The following ARHGEF6 variants were observed in gnomAD, a reference collection of about 807,000 sequenced individuals.
ARHGEF6 encodes Rac/Cdc42 guanine nucleotide exchange factor 6.
Under a neutral mutation model 70.3 loss-of-function variants are expected in ARHGEF6, and 9 were observed. The ratio of observed to expected loss-of-function variants is 0.13; its 90% CI spans 0.08 to 0.22. The LOEUF (loss-of-function observed/expected upper bound fraction) is 0.22. ARHGEF6 is among the 10% of genes least tolerant of loss of function. The pLI, the probability that ARHGEF6 is intolerant of heterozygous loss-of-function variation, is 1.00. For synonymous variants in ARHGEF6, 201 were observed against 207.8 expected (o/e 0.97, Z 0.28); for missense variants, 470 against 563.0 (o/e 0.83, Z 1.67).
chrX:136,760,099 G>A (rs969306861), intron 2 of ARHGEF6, among the ~76,000 whole-genome samples: 3 of 112,370 alleles, frequency 2.7e-5, no homozygotes, highest in Admixed American at 9.4e-5. Flanking sequence ...AGCAGAGGAA[G>A]TGCCATTGCC....
intron 2 of ARHGEF6, among the ~76,000 whole-genome samples, chrX:136,757,853 T>G (rs2077223530): frequency 9.0e-6 from 1 of 111,112 alleles, no homozygotes; most frequent in Admixed American, 9.6e-5. Context: ...AAGTTCTTGC[T>G]AAGTGTCAGT....
intron 10 of ARHGEF6, among the ~76,000 whole-genome samples, chrX:136,688,681 C>A (rs910191699): frequency 4.5e-5 from 5 of 111,424 alleles, no homozygotes; most frequent in Admixed American, 2.9e-4. Context: ...AAACAAACAA[C>A]AACAACAAAA....
intron 15 of ARHGEF6, among the ~76,000 whole-genome samples, chrX:136,679,954 A>G (rs1192357315): frequency 1.8e-5 from 2 of 112,280 alleles, no homozygotes; most frequent in Non-Finnish European, 3.8e-5. Flanking sequence ...ATGGAGTAGC[A>G]GTCAACATTT....
At position 136,673,960 on chromosome X, in the gene ARHGEF6, G is replaced by A. The variant is rs1044516795; in HGVS notation, c.2035+1047C>T. Among the ~76,000 whole-genome samples, 6 of 111,057 alleles carry A rather than the reference G, an allele frequency of 5.4e-5. No individual in the cohort carries two copies. In the East Asian group the frequency reaches 8.5e-4, roughly 16 times the overall value. On this transcript the variant is annotated intron_variant, in intron 19 of 21. Transcript: ENST00000250617. ...TGGCTCACTGCAACCTCCACCTCCC[G>A]GGTTCAAGAGATTCTCCTGCCTCAG...
intron 6 of ARHGEF6, among the ~76,000 whole-genome samples, chrX:136,730,127 AT>A (rs1445533411): frequency 9.0e-6 from 1 of 110,781 alleles, no homozygotes; most frequent in African/African-American, 3.3e-5. Flanking sequence ...ATGTTATTTC[AT>A]TTTTTTAATG....
intron 18 of ARHGEF6, among the ~76,000 whole-genome samples, chrX:136,675,866 C>T (rs1021594487): frequency 9.1e-6 from 1 of 109,682 alleles, no homozygotes; most frequent in Non-Finnish European, 1.9e-5. Context: ...CTCATTTTCC[C>T]TTCTCCCTTC....
At chrX:136,733,565 C>T (rs939861924) in intron 5 of ARHGEF6, among the ~76,000 whole-genome samples, 4 of 111,624 alleles carry the variant, frequency 3.6e-5, no homozygotes, top group African/African-American at 9.8e-5. Context: ...TATAATTCTT[C>T]TATTACAATA....
intron 1 of ARHGEF6, among the ~76,000 whole-genome samples, chrX:136,780,392 C>T (rs2077438187): frequency 9.0e-6 from 1 of 111,047 alleles, no homozygotes; most frequent in Admixed American, 9.6e-5. Context: ...ACCCCAAGTT[C>T]AAAACATGTC....
intron 9 of ARHGEF6, among the ~76,000 whole-genome samples, chrX:136,698,070 AAAG>A (rs1211553862): frequency 1.8e-5 from 2 of 112,356 alleles, no homozygotes; most frequent in East Asian, 2.8e-4. Context: ...AAACAAAAAG[AAAG>A]AAGAAGAACC....
At chrX:136,700,251 C>T (rs756868924) in intron 9 of ARHGEF6, among the ~76,000 whole-genome samples, 20 of 111,324 alleles carry the variant, frequency 1.8e-4, no homozygotes, top group African/African-American at 5.5e-4. Flanking sequence ...AGGCAGGGCG[C>T]GGTGGCTCAG....
intron 19 of ARHGEF6, among the ~76,000 whole-genome samples, chrX:136,672,785 T>A (rs1017045109): frequency 1.3e-4 from 15 of 111,690 alleles, no homozygotes; most frequent in Non-Finnish European, 2.6e-4. Context: ...ACCAAACAGC[T>A]CTCCTGCACC....
chrX:136,681,815 G>C (rs1365053160), intron 14 of ARHGEF6, 75 bp downstream of exon 14: 2 of 950,268 alleles, frequency 2.1e-6, no homozygotes, highest in Non-Finnish European at 3.0e-6. Flanking sequence ...GGAAATAATG[G>C]CATTTATTTA....
chrX:136,728,868 T>A (rs2076897535), intron 6 of ARHGEF6, among the ~76,000 whole-genome samples: 1 of 110,108 alleles, frequency 9.1e-6, no homozygotes, highest in African/African-American at 3.3e-5. Context: ...ACTTACACTA[T>A]CAGCTCTCTG....
chrX:136,701,702 CT>C (rs762628006), intron 9 of ARHGEF6, among the ~76,000 whole-genome samples: 394 of 68,192 alleles, frequency 5.8e-3, no homozygotes, highest in African/African-American at 0.019. Flanking sequence ...TTTCATTTTT[CT>C]TTTTTTTTTT....
chrX:136,714,106 G>T (rs1173054893), intron 6 of ARHGEF6, among the ~76,000 whole-genome samples: 1 of 111,889 alleles, frequency 8.9e-6, no homozygotes, highest in Non-Finnish European at 1.9e-5. Flanking sequence ...AAAGTAGGCT[G>T]AAGTGTGAGG....
rs113375161 is a variant in ARHGEF6 at position 136,668,961 on chromosome X, C to T, written c.2190+521G>A. 3.3e-3 allele frequency among the ~76,000 whole-genome samples: 371 copies of T among 111,638 alleles called. 1 individual carries two copies. Among genetic ancestry groups the T allele is most frequent in the African/African-American group, 0.011 (350 of 30,660 alleles). On this transcript the variant is annotated intron_variant, in intron 21 of 21. Transcript: ENST00000250617. ...CGTTTCCTCCTCCCCAGCCTCATTACCCTGCCTCAGTTCAGGACTCTGACA... is the reference window on the plus strand; with the variant it reads ...CGTTTCCTCCTCCCCAGCCTCATTATCCTGCCTCAGTTCAGGACTCTGACA...
At chrX:136,742,160 A>C (rs1269157037) in intron 5 of ARHGEF6, among the ~76,000 whole-genome samples, 1 of 111,090 alleles carries the variant, frequency 9.0e-6, no homozygotes, top group Non-Finnish European at 1.9e-5. Context: ...CTCTACTAAA[A>C]ATACAAAATT....
intron 12 of ARHGEF6, among the ~76,000 whole-genome samples, chrX:136,683,849 C>G (rs890473983): frequency 9.0e-6 from 1 of 111,424 alleles, no homozygotes; most frequent in African/African-American, 3.3e-5. Flanking sequence ...ATCTTTGTTT[C>G]ACTTAGTTTT....
At chrX:136,710,950 G>A (rs1380338211) in intron 7 of ARHGEF6, among the ~76,000 whole-genome samples, 2 of 111,857 alleles carry the variant, frequency 1.8e-5, no homozygotes, top group African/African-American at 6.5e-5. Flanking sequence ...TTAAAACCAT[G>A]AGATACCACC....
Sources: gnomAD v4.1 joint callset for allele counts (sites outside exome capture counted in the v4.1 genomes callset) on GRCh38, gnomAD v4.1.1 for gene constraint, MANE v1.5 for transcripts, NCBI Gene and HGNC (gene_info 2026-07-23, HGNC 2026-07-21) for gene names.